SPAG16: variants seen among roughly 807,000 people sequenced by gnomAD.
The protein encoded by SPAG16 is sperm associated antigen 16, also known as sperm-associated antigen 16 protein.
SPAG16 carries 86 observed loss-of-function variants against 80.4 expected under a neutral mutation model. The ratio of observed to expected loss-of-function variants is 1.07; its 90% confidence interval spans 0.90 to 1.28. The LOEUF (loss-of-function observed/expected upper bound fraction) is 1.28. SPAG16 is among the 50% of genes most tolerant of loss of function. The pLI, the probability that SPAG16 is intolerant of heterozygous loss-of-function variation, is 0.00. For missense variants in SPAG16, 870 were observed against 765.3 expected, an observed-to-expected ratio of 1.14 and a Z score of -1.61; for synonymous variants, 294 against 265.9, an observed-to-expected ratio of 1.11 and a Z score of -1.03.
At chr2:214,180,977 T>C (rs903177508) in intron 15 of SPAG16, among the ~76,000 whole-genome samples, 12 of 151,690 alleles carry the variant, frequency 7.9e-5, no homozygotes, top group Admixed American at 5.3e-4. Flanking sequence ...TTGCCCCCGA[T>C]TGGTTTAGTT....
chr2:214,068,138 G>A (rs1009573607), intron 13 of SPAG16, among the ~76,000 whole-genome samples: 3 of 152,032 alleles, frequency 2.0e-5, no homozygotes, highest in Non-Finnish European at 1.5e-5. Context: ...AATTTCTGGT[G>A]TCTATCAATC....
chr2:214,214,942 T>G (rs1412274681), intron 15 of SPAG16, among the ~76,000 whole-genome samples: 1 of 151,638 alleles, frequency 6.6e-6, no homozygotes, highest in Non-Finnish European at 1.5e-5. Flanking sequence ...CTAAGGTTCA[T>G]TACATTTATG....
chr2:213,941,520 G>T lies in SPAG16; in HGVS notation c.1400+11375G>T, dbSNP rs150446555. ...GATCGTGACATAAATTTCCCCTACCGCTGGATCTGCAGGTTTATTCACTAA... is the reference window on the plus strand; with the variant it reads ...GATCGTGACATAAATTTCCCCTACCTCTGGATCTGCAGGTTTATTCACTAA... On this transcript the variant is annotated intron_variant, in intron 12 of 15. Coordinates refer to ENST00000331683, the MANE Select transcript of SPAG16 (RefSeq NM_024532.5). Among the ~76,000 whole-genome samples, 427 of 152,082 alleles carry T rather than the reference G, an allele frequency of 2.8e-3. 2 individuals carry two copies. The highest frequency in any genetic ancestry group is 4.9e-3 in the Non-Finnish European group (332 of 67,980).
chr2:214,233,338 GATA>G (rs879704369), intron 15 of SPAG16, among the ~76,000 whole-genome samples: 9,424 of 136,890 alleles, frequency 0.069, 424 homozygotes, highest in African/African-American at 0.13. Context: ...AGTAAAAATA[GATA>G]ATAATGATGA....
At chr2:213,316,973 A>G (rs1166645870) in intron 4 of SPAG16, among the ~76,000 whole-genome samples, 2 of 152,110 alleles carry the variant, frequency 1.3e-5, no homozygotes, top group Non-Finnish European at 2.9e-5. Context: ...AATATTGTCT[A>G]GACCAGTGCC....
At chr2:213,601,782 A>C (rs552708647) in intron 10 of SPAG16, among the ~76,000 whole-genome samples, 3 of 152,368 alleles carry the variant, frequency 2.0e-5, no homozygotes, top group African/African-American at 7.2e-5. Context: ...CATTCAGTAC[A>C]GTAACATGCT....
At chr2:214,258,792 C>A (rs1690909925) in intron 15 of SPAG16, among the ~76,000 whole-genome samples, 1 of 151,690 alleles carries the variant, frequency 6.6e-6, no homozygotes, top group African/African-American at 2.4e-5. Flanking sequence ...CTTCAGTTTT[C>A]TTTTCCTTCA....
rs2125124459 is a variant in SPAG16 at position 213,364,090 on chromosome 2, A to G, written c.777A>G (p.Gln259=). Residue 259 remains glutamine, a synonymous_variant, in exon 8 of 16, where the codon CAA becomes CAG. Transcript: ENST00000331683. The part of the protein sequence containing the change: ...DKVVGQISGL[Q]ETLKKLQRGH... The stretch of plus-strand genomic sequence containing the variant: ...TTACTTTTTAGATTTCTGGACTTCA[A>G]GAAACATTGAAGAAACTGCAAAGAG... 1 of 1,516,100 alleles carries G rather than the reference A, an allele frequency of 6.6e-7. No individual in the cohort carries two copies. The highest frequency in any genetic ancestry group is 8.8e-7 in the Non-Finnish European group (1 of 1,133,610). The allele number at this position is 1,516,100 out of a possible 1,614,324, so 93.9% of individuals were successfully genotyped here. A position where few individuals can be genotyped will look rare whatever the true frequency, so the allele number is the denominator to read the frequency against.
chr2:214,280,979 G>T, intron 15 of SPAG16: 1 of 447,784 alleles, frequency 2.2e-6, no homozygotes. Flanking sequence ...AATCATAACC[G>T]GGAATCGTTT....
chr2:213,750,952 C>G (rs750079973), intron 10 of SPAG16, among the ~76,000 whole-genome samples: 1 of 152,074 alleles, frequency 6.6e-6, no homozygotes, highest in Non-Finnish European at 1.5e-5. Context: ...AGTTCTGTGA[C>G]CCTCACAGTT....
At chr2:213,368,800 A>C (rs540590454) in intron 8 of SPAG16, among the ~76,000 whole-genome samples, 29 of 152,214 alleles carry the variant, frequency 1.9e-4, no homozygotes, top group African/African-American at 7.0e-4. Flanking sequence ...TCATGAGTCA[A>C]ATCCCATTCA....
chr2:214,097,500 A>G (rs991009464), intron 13 of SPAG16, among the ~76,000 whole-genome samples: 2 of 152,010 alleles, frequency 1.3e-5, no homozygotes, highest in African/African-American at 4.8e-5. Context: ...GATGGTTGTG[A>G]CATTCCATTA....
chr2:214,137,169 A>T (rs1257582325), intron 14 of SPAG16, among the ~76,000 whole-genome samples: 1 of 152,182 alleles, frequency 6.6e-6, no homozygotes, highest in Non-Finnish European at 1.5e-5. Flanking sequence ...AATAAAATTA[A>T]TGTGCATTGG....
At chr2:213,915,989 G>A (rs1156469178) in intron 11 of SPAG16, among the ~76,000 whole-genome samples, 1 of 151,874 alleles carries the variant, frequency 6.6e-6, no homozygotes, top group Non-Finnish European at 1.5e-5. Context: ...GTAAATTTAA[G>A]TTCCTTGTAG....
chr2:214,104,389 T>G (rs974783020), intron 13 of SPAG16, among the ~76,000 whole-genome samples: 4 of 151,962 alleles, frequency 2.6e-5, no homozygotes, highest in African/African-American at 9.7e-5. Context: ...TGTTGGTTGC[T>G]CTAGTGGCGG....
chr2:213,433,715 C>T (rs1325561214), intron 9 of SPAG16, among the ~76,000 whole-genome samples: 1 of 151,924 alleles, frequency 6.6e-6, no homozygotes, highest in African/African-American at 2.4e-5. Flanking sequence ...ATCAAAATAC[C>T]AATGTCATTA....
intron 11 of SPAG16, among the ~76,000 whole-genome samples, chr2:213,924,783 C>A (rs1264203529): frequency 6.6e-6 from 1 of 152,050 alleles, no homozygotes; most frequent in African/African-American, 2.4e-5. Context: ...TCTTTTATGT[C>A]TTTTAGCTTC....
intron 15 of SPAG16, among the ~76,000 whole-genome samples, chr2:214,364,007 A>G (rs572254589): frequency 1.1e-4 from 16 of 152,180 alleles, no homozygotes; most frequent in Non-Finnish European, 2.1e-4. Context: ...TTTACAACCC[A>G]GACGTATTCT....
At chr2:213,731,976 T>C (rs1213984693) in intron 10 of SPAG16, among the ~76,000 whole-genome samples, 1 of 152,182 alleles carries the variant, frequency 6.6e-6, no homozygotes, top group Non-Finnish European at 1.5e-5. Flanking sequence ...GTTTTTGTCA[T>C]GAAATCTTTA....
Sources: gnomAD v4.1 joint callset for allele counts (sites outside exome capture counted in the v4.1 genomes callset) on GRCh38, gnomAD v4.1.1 for gene constraint, MANE v1.5 for transcripts, NCBI Gene and HGNC (gene_info 2026-07-23, HGNC 2026-07-21) for gene names.